EVC: variants seen among roughly 807,000 people sequenced by gnomAD.
EVC encodes the protein evC complex member EVC.
A neutral mutation model predicts 118.9 loss-of-function variants in EVC; 116 were observed. That is an observed-to-expected ratio of 0.98 (90% confidence interval 0.84 to 1.14). The LOEUF (loss-of-function observed/expected upper bound fraction) is 1.14. Among genes scored for constraint, EVC ranks in the 50% most tolerant of loss-of-function variants. EVC has a pLI of 0.00. For missense variants in EVC, 1,401 were observed against 1,246.4 expected (o/e 1.12, Z -1.87); for synonymous variants, 619 against 534.7 (o/e 1.16, Z -2.18).
chr4:5,815,524 G>A (rs188404877), downstream of EVC, among the ~76,000 whole-genome samples: 188 of 152,212 alleles, frequency 1.2e-3, 1 homozygote, highest in African/African-American at 4.4e-3. Flanking sequence ...GGAACGAATC[G>A]ATCCAGAGGC....
At chr4:5,788,317 C>T (rs988223090) in intron 12 of EVC, among the ~76,000 whole-genome samples, 1 of 152,294 alleles carries the variant, frequency 6.6e-6, no homozygotes, top group East Asian at 1.9e-4. Flanking sequence ...GCTGGAGTCT[C>T]ATCAGAAGGC....
the EVC span, chr4:5,820,860 A>G: frequency 6.6e-6 from 1 of 152,228 alleles, no homozygotes; most frequent in Admixed American, 6.5e-5. Flanking sequence ...TTGGTTGTTA[A>G]GTAAAAATGG....
chr4:5,736,124 T>G (rs948778168), intron 5 of EVC, among the ~76,000 whole-genome samples: 1 of 152,070 alleles, frequency 6.6e-6, no homozygotes, highest in South Asian at 2.1e-4. Flanking sequence ...GTAACCTCTA[T>G]AAACAGAGTG....
At chr4:5,825,370 C>T in the EVC span, 3 of 1,447,866 alleles carry the variant, frequency 2.1e-6, no homozygotes, top group East Asian at 2.7e-5. This position sits in a 1 kb window ranked among gnomAD's most constrained non-coding sequence, Gnocchi z 4.4. Context: ...GGGTGGGGCA[C>T]ACTCCCTTCC....
chr4:5,821,695 T>G, the EVC span: 1 of 1,467,426 alleles, frequency 6.8e-7, no homozygotes, highest in East Asian at 2.4e-5. The surrounding 1 kb of genome is among the most constrained non-coding windows in gnomAD (Gnocchi z 4.4). Context: ...TCAAAAACAC[T>G]GACAGGAAAA....
the EVC span, chr4:5,824,253 G>T: frequency 1.0e-6 from 1 of 979,954 alleles, no homozygotes; most frequent in African/African-American, 1.7e-5. Context: ...CCAGGATGAA[G>T]CCAATCCCTG....
Position 5,793,681 on chromosome 4 carries a change from G to A in EVC, c.1850G>A (p.Arg617His), listed in dbSNP as rs771110251. The A allele has an allele frequency of 1.4e-5, 22 of 1,551,886 alleles. No homozygotes were observed. Among genetic ancestry groups the A allele is most frequent in the Non-Finnish European group, 1.7e-5 (19 of 1,147,784 alleles). ...HLREDHEGTI[R>H]GVLGRLGGLT... ...CGGGAGGACCACGAGGGCACCATCC[G>A]CGGCGTCTTGGGCCGACTGGGCGGC... is the stretch of plus-strand genomic sequence containing the variant. Residue 617 changes from arginine to histidine, a missense_variant, in exon 13 of 21, where the codon CGC (arginine) becomes CAC (histidine). By Grantham distance (29) the Arg-to-His change is conservative. Coordinates refer to ENST00000264956, the MANE Select transcript of EVC (RefSeq NM_153717.3).
At chr4:5,767,251 G>C (rs892450113) in intron 11 of EVC, among the ~76,000 whole-genome samples, 2 of 152,042 alleles carry the variant, frequency 1.3e-5, no homozygotes, top group African/African-American at 4.8e-5. Flanking sequence ...GAAGCAGTCT[G>C]CCTGTTCTCA....
intron 4 of EVC, 52 bp from the exon 5 acceptor site, chr4:5,733,299 C>T: frequency 1.3e-6 from 2 of 1,487,596 alleles, no homozygotes; most frequent in East Asian, 2.3e-5. Context: ...TATTCTTACT[C>T]TTCATTTCCG....
intron 2 of EVC, among the ~76,000 whole-genome samples, chr4:5,725,175 A>G (rs1416179778): frequency 6.6e-6 from 1 of 152,174 alleles, no homozygotes; most frequent in Non-Finnish European, 1.5e-5. Flanking sequence ...TGAATAGTGC[A>G]ATGAACATAC....
rs1017949569 is a variant in EVC, at chr4:5,798,322, C to A, written c.2098-264C>A. 6.6e-6 allele frequency among the ~76,000 whole-genome samples: 1 copy of A among 152,164 alleles called. No homozygotes were observed. The highest frequency in any genetic ancestry group is 2.4e-5 in the African/African-American group (1 of 41,444). On this transcript the variant is annotated intron_variant, in intron 14 of 20. Coordinates refer to ENST00000264956, the MANE Select transcript of EVC (RefSeq NM_153717.3). The surrounding 1 kb of genome is among the most constrained non-coding windows in gnomAD (Gnocchi z 4.1). ...TGTTCTAGAAGGATGAGCAAGGCCC[C>A]CCATCTTGTGAGGGGCCATAGATGG... is the stretch of plus-strand genomic sequence containing the variant.
intron 11 of EVC, among the ~76,000 whole-genome samples, chr4:5,776,282 T>A (rs141438813): frequency 6.6e-6 from 1 of 152,280 alleles, no homozygotes; most frequent in African/African-American, 2.4e-5. Context: ...CCCCTTTGTG[T>A]CTAGTCATGT....
intron 11 of EVC, among the ~76,000 whole-genome samples, chr4:5,777,618 T>C (rs1021090986): frequency 6.6e-6 from 1 of 152,178 alleles, no homozygotes; most frequent in Non-Finnish European, 1.5e-5. Flanking sequence ...TTAATAATTA[T>C]TTTGTCCACT....
chr4:5,733,392 A>T lies in EVC; in HGVS notation c.659A>T (p.Asp220Val). Residue 220 changes from aspartate to valine, a missense_variant, in exon 5 of 21, where the codon GAC becomes GTC. Coordinates refer to ENST00000264956, the MANE Select transcript of EVC (RefSeq NM_153717.3). ...TGTATCTACAGCCTTCACTTAAAAG[A>T]CCTGCTGCATTTGGACACGGCACTG... is the stretch of plus-strand genomic sequence containing the variant. The part of the protein sequence containing the change: ...DLCIYSLHLK[D>V]LLHLDTALRQ... The T allele has an allele frequency of 6.2e-7, 1 of 1,614,102 alleles. No homozygotes were observed. Among genetic ancestry groups the T allele is most frequent in the South Asian group, 1.1e-5 (1 of 91,076 alleles).
At chr4:5,752,726 G>C (rs566917261) in intron 8 of EVC, 110 bp from the exon 9 acceptor site, 3 of 1,092,774 alleles carry the variant, frequency 2.7e-6, no homozygotes, top group African/African-American at 3.1e-5. Context: ...CGCTCTCCCA[G>C]GCAGTGCCAT....
rs1444464669 is a variant in EVC, at chr4:5,811,029, A to G, written c.2971A>G (p.Asn991Asp). The change falls in exon 21 of 21, where the codon AAC becomes GAC. Residue 991 changes from asparagine to aspartate, a missense_variant. Coordinates refer to ENST00000264956, the MANE Select transcript of EVC (RefSeq NM_153717.3). Reference sequence around the variant, plus strand: ...AAAGAAGATGCTAAAGAGAAGAAGCAACTTGTAGTTTAAGACCAGTCGGTG... The same window carrying G: ...AAAGAAGATGCTAAAGAGAAGAAGCGACTTGTAGTTTAAGACCAGTCGGTG... ...NSKKMLKRRS[N>D]L is the part of the protein sequence containing the mutation. 3 of 1,611,542 alleles carry G rather than the reference A, an allele frequency of 1.9e-6. No homozygotes were observed. In the East Asian group the frequency reaches 6.7e-5, roughly 36 times the overall value.
chr4:5,783,641 G>A lies in EVC; in HGVS notation c.1653G>A (p.Pro551=), dbSNP rs151293705. The change falls in exon 12 of 21, where the codon CCG becomes CCA. Residue 551 remains proline (P), a synonymous_variant. Coordinates refer to ENST00000264956, the MANE Select transcript of EVC (RefSeq NM_153717.3). ...TCCCTGGCATGACTGGCCTCCCCCC[G>A]GAAGAGTGTGACTACTTGAGGCAGG... ...QTLPGMTGLP[P]EECDYLRQEV... is the part of the protein sequence containing the mutation. The A allele has an allele frequency of 1.3e-4, 202 of 1,614,166 alleles. No individual in the cohort carries two copies. In the Middle Eastern group the frequency reaches 3.0e-3, roughly 24 times the overall value.
chr4:5,802,073 C>T lies in EVC; in HGVS notation c.2428C>T (p.Gln810Ter). 6.2e-7 allele frequency: 1 copy of T among 1,613,476 alleles called. No individual in the cohort carries two copies. The highest frequency in any genetic ancestry group is 8.5e-7 in the Non-Finnish European group (1 of 1,179,880). The change falls in exon 16 of 21, where the codon CAG (glutamine) becomes TAG (stop). Residue 810 changes from glutamine to a stop codon, truncating the protein, a stop_gained. Coordinates refer to ENST00000264956, the MANE Select transcript of EVC (RefSeq NM_153717.3). LOFTEE classifies it high-confidence loss of function. Reference protein sequence around the residue: ...IMEDHEERKLQHLKTLQGERM... With the variant: ...IMEDHEERKL ...GGAGGACCACGAGGAGAGAAAACTG[C>T]AGCACCTGAAGACCCTGCAGGGTAC...
chr4:5,748,744 C>T (rs1729862235), intron 8 of EVC, among the ~76,000 whole-genome samples: 1 of 84,900 alleles, frequency 1.2e-5, no homozygotes, highest in South Asian at 3.8e-4. Flanking sequence ...ATCAATCCAC[C>T]CATCCATCCA....
Sources: allele counts gnomAD v4.1 joint callset (sites outside exome capture counted in the v4.1 genomes callset), GRCh38; gene constraint gnomAD v4.1.1; non-coding constraint Gnocchi (gnomAD v3.1); transcripts MANE v1.5; gene names NCBI Gene and HGNC (gene_info 2026-07-23, HGNC 2026-07-21).